WBP2NL: variants seen among roughly 807,000 people sequenced by gnomAD.
The protein encoded by WBP2NL is WBP2 N-terminal like.
WBP2NL carries 27 observed loss-of-function variants against 23.3 expected under a neutral mutation model. The observed-to-expected ratio is 1.16, with a 90% CI of 0.85 to 1.60. WBP2NL has a LOEUF of 1.60. Ranked by LOEUF, WBP2NL falls within the 40% of genes most tolerant of loss-of-function variation. WBP2NL has a pLI of 0.00. For missense variants in WBP2NL, 370 were observed against 389.5 expected (o/e 0.95, Z 0.42); for synonymous variants, 151 against 145.9 (o/e 1.03, Z -0.25).
rs117239938 is a variant in WBP2NL, at chr22:42,025,716, G to A, written c.515-1050G>A. On this transcript the variant is annotated intron_variant, in intron 5 of 5. Coordinates refer to ENST00000328823, the MANE Select transcript of WBP2NL (RefSeq NM_152613.3). ...CCAGTAAAACACTGTCTTGATTACA[G>A]TAGTTTTGTAATAAATTTTGGATTA... Among the ~76,000 whole-genome samples, 946 of 152,258 alleles carry A rather than the reference G, an allele frequency of 6.2e-3. 67 individuals carry two copies. The East Asian group carries it at 0.17, about 27-fold the overall frequency.
At chr22:42,047,016 C>A (rs1387548075) in intron 8 of WBP2NL, among the ~76,000 whole-genome samples, 2 of 152,100 alleles carry the variant, frequency 1.3e-5, no homozygotes, top group Non-Finnish European at 2.9e-5. Flanking sequence ...CAGCAACATA[C>A]TATAGAAAAC....
At chr22:42,054,171 G>T (rs80203456) in intron 8 of WBP2NL, among the ~76,000 whole-genome samples, 4,401 of 151,488 alleles carry the variant, frequency 0.029, 156 homozygotes, top group African/African-American at 0.084. Flanking sequence ...TATTTTTTTT[G>T]ATTGCTTCTG....
At chr22:42,022,911 G>A (rs1345981640) in intron 5 of WBP2NL, among the ~76,000 whole-genome samples, 3 of 152,156 alleles carry the variant, frequency 2.0e-5, no homozygotes, top group East Asian at 1.9e-4. Flanking sequence ...AACTTGATAT[G>A]CATGTCCATG....
At chr22:42,011,751 GGTTGTT>G (rs113187475) in intron 1 of WBP2NL, among the ~76,000 whole-genome samples, 4 of 149,122 alleles carry the variant, frequency 2.7e-5, no homozygotes, top group Admixed American at 6.7e-5. Flanking sequence ...TTTTTTTTTT[GGTTGTT>G]GTTGTTGTTG....
At chr22:42,029,663 C>T (rs577757650), downstream of WBP2NL, among the ~76,000 whole-genome samples, 9 of 152,302 alleles carry the variant, frequency 5.9e-5, no homozygotes, top group East Asian at 1.9e-4. Flanking sequence ...TGAGCCACTG[C>T]GCCTGGCCTT....
At chr22:42,023,682 A>G (rs1369294745) in intron 5 of WBP2NL, among the ~76,000 whole-genome samples, 2 of 151,448 alleles carry the variant, frequency 1.3e-5, no homozygotes, top group African/African-American at 4.9e-5. Context: ...TTTTTAGTAG[A>G]GACGGGATTT....
chr22:42,037,038 C>T (rs750113182), downstream of WBP2NL, among the ~76,000 whole-genome samples: 3 of 151,638 alleles, frequency 2.0e-5, no homozygotes, highest in Non-Finnish European at 4.4e-5. Context: ...ATGTTTTCTT[C>T]GAGGAATTTT....
At chr22:42,013,972 G>A (rs1441316735) in intron 1 of WBP2NL, among the ~76,000 whole-genome samples, 2 of 151,884 alleles carry the variant, frequency 1.3e-5, no homozygotes, top group African/African-American at 4.8e-5. Context: ...AGTAGAGATG[G>A]GGTCTCACCA....
At chr22:42,045,065 A>C (rs1437099309) in intron 8 of WBP2NL, among the ~76,000 whole-genome samples, 1 of 152,002 alleles carries the variant, frequency 6.6e-6, no homozygotes. Flanking sequence ...TCCTGGCCTT[A>C]ATCAATCCTC....
intron 1 of WBP2NL, among the ~76,000 whole-genome samples, chr22:42,017,848 C>T (rs1010286033): frequency 6.6e-6 from 1 of 151,798 alleles, no homozygotes; most frequent in African/African-American, 2.4e-5. Context: ...CTCATCTCTA[C>T]TAAAAATACA....
In WBP2NL at chr22:42,028,305, ATTTATAT is replaced by A; in HGVS notation, c.*1131_*1137del. 2 of 375,234 alleles carry A rather than the reference ATTTATAT, an allele frequency of 5.3e-6. No individual in the cohort carries two copies. The highest frequency in any genetic ancestry group is 1.5e-4 in the South Asian group (1 of 6,820). The allele number at this position is 375,234 out of a possible 1,614,324, so 23.2% of individuals were successfully genotyped here. A position where few individuals can be genotyped will look rare whatever the true frequency, so the allele number is the denominator to read the frequency against. On this transcript the variant is annotated 3_prime_UTR_variant, in exon 6 of 6. Coordinates refer to ENST00000328823, the MANE Select transcript of WBP2NL (RefSeq NM_152613.3). Reference sequence around the variant, plus strand: ...CTGAATGCCCCATTTTATAACAAATATTTATATTTTATAACAAACGTTTATATTTGTA... The same window carrying A: ...CTGAATGCCCCATTTTATAACAAATATTTATAACAAACGTTTATATTTGTA...
chr22:42,014,731 A>C (rs929226206), intron 1 of WBP2NL, among the ~76,000 whole-genome samples: 3 of 152,292 alleles, frequency 2.0e-5, no homozygotes, highest in Admixed American at 6.5e-5. Flanking sequence ...CTGCCTGCCA[A>C]AATTGGCTGT....
chr22:41,999,012 C>T, intron 1 of WBP2NL, 132 bp downstream of exon 1: 6 of 1,104,980 alleles, frequency 5.4e-6, no homozygotes, highest in Non-Finnish European at 7.4e-6. Flanking sequence ...GCTCCGCCCC[C>T]GACCTTTGGG....
At chr22:42,006,008 A>C (rs1922197950) in intron 1 of WBP2NL, among the ~76,000 whole-genome samples, 1 of 152,190 alleles carries the variant, frequency 6.6e-6, no homozygotes. Flanking sequence ...GGAAGGTCAA[A>C]GAATGGTAAC....
Position 42,027,894 on chromosome 22 carries a change from T to C in WBP2NL, c.*713T>C. 1 of 398,414 alleles carries C rather than the reference T, an allele frequency of 2.5e-6. No homozygotes were observed. Among genetic ancestry groups the C allele is most frequent in the Non-Finnish European group, 4.4e-6 (1 of 225,974 alleles). 24.7% of individuals were successfully genotyped at this position (398,414 alleles called of 1,614,324 possible). A position where few individuals can be genotyped will look rare whatever the true frequency, so the allele number is the denominator to read the frequency against. On this transcript the variant is annotated 3_prime_UTR_variant, in exon 6 of 6. Coordinates refer to ENST00000328823, the MANE Select transcript of WBP2NL (RefSeq NM_152613.3). ...AATGACAGAAATATGAATTGCCGAA[T>C]AACCAAGGCAATAGCATGGCCAGAA...
rs1200271341 is a variant in WBP2NL, at chr22:42,022,327, A to G, written c.485A>G (p.Asn162Ser). The G allele has an allele frequency of 2.5e-6, 4 of 1,613,954 alleles. No homozygotes were observed. The South Asian group carries it at 4.4e-5, about 18-fold the overall frequency. Residue 162 changes from asparagine to serine, a missense_variant, in exon 5 of 6, where the codon AAT (asparagine) becomes AGT (serine). By Grantham distance (46) the Asn-to-Ser change is conservative (BLOSUM62 1). Transcript: ENST00000328823. The part of the protein sequence containing the change: ...MGIYVITGEG[N>S]MCTPQMPCSV... ...ATTTATGTAATTACTGGGGAAGGGA[A>G]TATGTGCACTCCACAGATGCCTTGT...
chr22:42,001,342 G>A, intron 1 of WBP2NL: 1 of 694,436 alleles, frequency 1.4e-6, no homozygotes, highest in Non-Finnish European at 2.6e-6. Flanking sequence ...GACAATGTGA[G>A]TGTTCTTGGG....
At chr22:42,044,316 C>T (rs1053695286) in intron 8 of WBP2NL, among the ~76,000 whole-genome samples, 1 of 151,972 alleles carries the variant, frequency 6.6e-6, no homozygotes, top group Non-Finnish European at 1.5e-5. Context: ...AGCGATCCTC[C>T]CACTTCAGCC....
In WBP2NL at chr22:41,999,021, G is replaced by A. The variant is rs1921244244; in HGVS notation, c.62+141G>A. On this transcript the variant is annotated intron_variant, in intron 1 of 5. Coordinates refer to ENST00000328823, the MANE Select transcript of WBP2NL (RefSeq NM_152613.3). ...CTCTTAGCTCCGCCCCCGACCTTTGGGAGCGCGCGCCCCTCACTGGTGTTC... is the reference window on the plus strand; with the variant it reads ...CTCTTAGCTCCGCCCCCGACCTTTGAGAGCGCGCGCCCCTCACTGGTGTTC... 6 of 1,024,688 alleles carry A rather than the reference G, an allele frequency of 5.9e-6. No individual in the cohort carries two copies. In the East Asian group the frequency reaches 1.7e-4, roughly 29 times the overall value. The allele number at this position is 1,024,688 out of a possible 1,614,324, so 63.5% of individuals were successfully genotyped here.
Sources: gnomAD v4.1 joint callset for allele counts (sites outside exome capture counted in the v4.1 genomes callset) on GRCh38, gnomAD v4.1.1 for gene constraint, MANE v1.5 for transcripts, NCBI Gene and HGNC (gene_info 2026-07-23, HGNC 2026-07-21) for gene names.